Variants in RNF103 observed in about 807,000 individuals in gnomAD.
The protein encoded by RNF103 is E3 ubiquitin-protein ligase RNF103.
In RNF103, 23 loss-of-function variants were observed where a neutral mutation model predicts 66.2. That is an observed-to-expected ratio of 0.35 (90% CI 0.25 to 0.49). The LOEUF is 0.49. Ranked by LOEUF, RNF103 falls within the 20% of genes least tolerant of loss-of-function variation. The pLI is 0.98. For missense variants in RNF103, 730 were observed against 814.7 expected (o/e 0.90, Z 1.27); for synonymous variants, 297 against 289.9 (o/e 1.02, Z -0.25).
intron 3 of RNF103, among the ~76,000 whole-genome samples, chr2:86,607,873 G>A (rs892494267): frequency 2.0e-5 from 3 of 152,116 alleles, no homozygotes; most frequent in African/African-American, 7.2e-5. Context: ...TTTGTAAAAT[G>A]AACAAGTTCT....
At chr2:86,615,736 A>T (rs1678993503) in intron 2 of RNF103, among the ~76,000 whole-genome samples, 2 of 152,054 alleles carry the variant, frequency 1.3e-5, no homozygotes, top group Admixed American at 6.6e-5. Context: ...AACTGGACAA[A>T]GTACAGCTTG....
In RNF103 at chr2:86,603,462, T is replaced by C; in HGVS notation, c.*381A>G. ...ATTTCATGTCTCACAGCATACATTA[T>C]TTAACCAAGAGGTGCTGGACAGAGA... is the stretch of plus-strand genomic sequence containing the variant. On this transcript the variant is annotated 3_prime_UTR_variant, in exon 4 of 4. Coordinates refer to ENST00000237455, the MANE Select transcript of RNF103 (RefSeq NM_005667.4). 5.5e-6 allele frequency: 1 copy of C among 182,506 alleles called. No homozygotes were observed. The highest frequency in any genetic ancestry group is 1.5e-4 in the South Asian group (1 of 6,622). 11.3% of individuals were successfully genotyped at this position (182,506 alleles called of 1,614,324 possible).
In RNF103 at chr2:86,604,818, C is replaced by A. The variant is rs757472476; in HGVS notation, c.1083G>T (p.Gly361=). 1 of 1,614,078 alleles carries A rather than the reference C, an allele frequency of 6.2e-7. No homozygotes were observed. Among genetic ancestry groups the A allele is most frequent in the East Asian group, 2.2e-5 (1 of 44,864 alleles). Residue 361 remains glycine, a synonymous_variant, in exon 4 of 4, where the codon GGG becomes GGT. Coordinates refer to ENST00000237455, the MANE Select transcript of RNF103 (RefSeq NM_005667.4). The stretch of plus-strand genomic sequence containing the variant: ...AAATAATTAATAGAGAATTATATGT[C>A]CCTAAAGTGCTTATGAGAACCACAA... ...KRFVVLISTL[G]TYNSLLIISW...
chr2:86,622,913 G>A lies in RNF103; in HGVS notation c.-27C>T. On this transcript the variant is annotated 5_prime_UTR_variant, in exon 1 of 4. Coordinates refer to ENST00000237455, the MANE Select transcript of RNF103 (RefSeq NM_005667.4). ...TTCCCTGGAGTTTCCTCTCTTTCCA[G>A]AGAGCTCGGAATACGGGAGAGAGAA... 1.3e-6 allele frequency: 2 copies of A among 1,562,802 alleles called. No individual in the cohort carries two copies. The highest frequency in any genetic ancestry group is 2.4e-5 in the East Asian group (1 of 41,696).
rs1293853990 is a variant in RNF103, at chr2:86,623,802, G to A, written c.-916C>T. 3 of 1,282,944 alleles carry A rather than the reference G, an allele frequency of 2.3e-6. 1 individual carries two copies. The highest frequency in any genetic ancestry group is 2.5e-5 in the South Asian group (2 of 80,478). 79.5% of individuals were successfully genotyped at this position (1,282,944 alleles called of 1,614,324 possible). A position where few individuals can be genotyped will look rare whatever the true frequency, so the allele number is the denominator to read the frequency against. The stretch of plus-strand genomic sequence containing the variant: ...CCCCAACACCCCCGCCACCTCCGGA[G>A]ACCGCGGCCGTACCCTCCACAACCG... On this transcript the variant is annotated 5_prime_UTR_variant, in exon 1 of 4. Coordinates refer to ENST00000237455, the MANE Select transcript of RNF103 (RefSeq NM_005667.4).
At chr2:86,617,564 T>C (rs970941795) in intron 2 of RNF103, 29 of 768,038 alleles carry the variant, frequency 3.8e-5, no homozygotes, top group Non-Finnish European at 4.6e-5. Context: ...TTTGGTACTA[T>C]CCACGGTTTC....
In RNF103 at chr2:86,605,418, T is replaced by G; in HGVS notation, c.483A>C (p.Arg161Ser). 1 of 1,589,762 alleles carries G rather than the reference T, an allele frequency of 6.3e-7. No homozygotes were observed. Among genetic ancestry groups the G allele is most frequent in the Admixed American group, 1.8e-5 (1 of 54,126 alleles). The change falls in exon 4 of 4, where the codon AGA (arginine) becomes AGC (serine). Residue 161 changes from arginine to serine, a missense_variant and splice_region_variant. Physicochemically the swap from Arg to Ser is moderately radical, Grantham distance 110. Coordinates refer to ENST00000237455, the MANE Select transcript of RNF103 (RefSeq NM_005667.4). ...TGTFNCSSDP[R>S]YCRRRGWVRS... ...GGACCCAGCCTCTTCTCCTGCAATA[T>G]CTACAAGAGAGGAAACTGTAAATAA...
At position 86,617,275 on chromosome 2, in the gene RNF103, A is replaced by G. The variant is rs1679056364; in HGVS notation, c.366+3055T>C. The G allele has an allele frequency of 5.1e-6, 5 of 985,346 alleles. No individual in the cohort carries two copies. In the South Asian group the frequency reaches 2.3e-4, roughly 46 times the overall value. The allele number at this position is 985,346 out of a possible 1,614,324, so 61.0% of individuals were successfully genotyped here. On this transcript the variant is annotated intron_variant, in intron 2 of 3. Coordinates refer to ENST00000237455, the MANE Select transcript of RNF103 (RefSeq NM_005667.4). ...TCATTTATGAAAACACTCCTCATAGACTTAAAACAAATGACAGAGAACAAA... is the reference window on the plus strand; with the variant it reads ...TCATTTATGAAAACACTCCTCATAGGCTTAAAACAAATGACAGAGAACAAA...
chr2:86,619,720 T>C (rs1460620713), intron 2 of RNF103, among the ~76,000 whole-genome samples: 4 of 152,204 alleles, frequency 2.6e-5, no homozygotes, highest in Non-Finnish European at 5.9e-5. Flanking sequence ...TTGGAAAGCA[T>C]AAAATATTTT....
rs1262913118 is a variant in RNF103 at position 86,604,703 on chromosome 2, T to C, written c.1198A>G (p.Thr400Ala). 5 of 1,614,186 alleles carry C rather than the reference T, an allele frequency of 3.1e-6. No individual in the cohort carries two copies. The highest frequency in any genetic ancestry group is 1.7e-5 in the Admixed American group (1 of 60,024). Residue 400 changes from threonine (T) to alanine (A), a missense_variant, in exon 4 of 4, where the codon ACC (threonine) becomes GCC (alanine). Thr to Ala is a moderately conservative substitution (Grantham distance 58, BLOSUM62 0). Around this residue, in one of 3 missense-constraint regions of RNF103, gnomAD observed 355 missense variants for 351.9 expected, o/e 1.01. Transcript: ENST00000237455. ...SLKLLRYSNT[T>A]TLASWVRADW... ...GCCCTTACCCATGAAGCCAGTGTGG[T>C]TGTATTGGAATATCTCAACAATTTT...
At chr2:86,608,784 T>C (rs187061517) in intron 3 of RNF103, among the ~76,000 whole-genome samples, 70 of 151,186 alleles carry the variant, frequency 4.6e-4, no homozygotes, top group Non-Finnish European at 7.9e-4. Flanking sequence ...CCTCATCTCC[T>C]ACTTTGTCAA....
chr2:86,607,633 T>C (rs1678624986), intron 3 of RNF103, among the ~76,000 whole-genome samples: 1 of 152,352 alleles, frequency 6.6e-6, no homozygotes, highest in Admixed American at 6.5e-5. Context: ...AATAATTCAT[T>C]GATTGACATG....
intron 3 of RNF103, among the ~76,000 whole-genome samples, chr2:86,606,385 C>G (rs1007273163): frequency 6.6e-6 from 1 of 152,106 alleles, no homozygotes; most frequent in Non-Finnish European, 1.5e-5. Context: ...TGAAAACAGG[C>G]TGGGTGCAGT....
chr2:86,616,486 A>G, intron 2 of RNF103: 1 of 977,530 alleles, frequency 1.0e-6, no homozygotes, highest in African/African-American at 1.7e-5. Context: ...TTTTACCAAT[A>G]CAAAATATAA....
chr2:86,612,056 TA>T, intron 3 of RNF103, 102 bp downstream of exon 3: 1 of 695,958 alleles, frequency 1.4e-6, no homozygotes, highest in Non-Finnish European at 2.5e-6. Context: ...CTACACATTA[TA>T]ATAAGCTTTC....
chr2:86,607,043 G>A (rs1573353449), intron 3 of RNF103, among the ~76,000 whole-genome samples: 4 of 152,180 alleles, frequency 2.6e-5, no homozygotes, highest in Middle Eastern at 3.4e-3. Context: ...CCACACAGAA[G>A]AGTTAATCTT....
chr2:86,608,486 C>CAAAAAAAA (rs1222638516), intron 3 of RNF103, among the ~76,000 whole-genome samples: 2 of 40,102 alleles, frequency 5.0e-5, no homozygotes, highest in Admixed American at 5.1e-4. Flanking sequence ...GACTCCATCT[C>CAAAAAAAA]AAAAAAAAAA....
chr2:86,612,316 A>C (rs751459621), intron 2 of RNF103, 42 bp from the exon 3 acceptor site: 1 of 1,174,238 alleles, frequency 8.5e-7, no homozygotes, highest in Non-Finnish European at 1.3e-6. Context: ...AATTACCTAA[A>C]ATGGAGTCAA....
chr2:86,605,464 AC>A, intron 3 of RNF103, 46 bp from the exon 4 acceptor site: 1 of 1,520,088 alleles, frequency 6.6e-7, no homozygotes, highest in Non-Finnish European at 8.8e-7. Context: ...TGTAATGCAA[AC>A]AATTTATCTT....
Sources: gnomAD v4.1 joint callset for allele counts (sites outside exome capture counted in the v4.1 genomes callset) on GRCh38, gnomAD v4.1.1 for gene constraint, gnomAD v4.1.1 regional missense constraint, MANE v1.5 for transcripts, NCBI Gene and HGNC (gene_info 2026-07-23, HGNC 2026-07-21) for gene names.